The following HDAC9 variants were observed in gnomAD, a reference collection of about 807,000 sequenced individuals.
HDAC9 encodes histone deacetylase 9.
HDAC9 carries 41 observed loss-of-function variants against 139.4 expected under a neutral mutation model. That is an observed-to-expected ratio of 0.29 (90% CI 0.23 to 0.38). HDAC9 has a LOEUF of 0.38. Among genes scored for constraint, HDAC9 ranks in the 10% least tolerant of loss-of-function variants. The probability of loss-of-function intolerance (pLI) is 1.00; values close to 1 mark genes in which losing one functional copy is unlikely to be tolerated. For missense variants in HDAC9, 1,147 were observed against 1,297.0 expected, an observed-to-expected ratio of 0.88 and a Z score of 1.78; for synonymous variants, 517 against 476.2, an observed-to-expected ratio of 1.09 and a Z score of -1.12.
At chr7:18,517,141 G>T (rs964491001) in intron 2 of HDAC9, among the ~76,000 whole-genome samples, 1 of 152,076 alleles carries the variant, frequency 6.6e-6, no homozygotes, top group Non-Finnish European at 1.5e-5. Flanking sequence ...CACATTGACA[G>T]ATTTACTTTC....
At chr7:18,117,619 G>C (rs934628708) in intron 1 of HDAC9, among the ~76,000 whole-genome samples, 8 of 152,176 alleles carry the variant, frequency 5.3e-5, no homozygotes, top group African/African-American at 1.9e-4. Flanking sequence ...GCATTGGGAT[G>C]ATGCACCCAC....
intron 1 of HDAC9, among the ~76,000 whole-genome samples, chr7:18,373,067 A>C (rs886902430): frequency 2.6e-5 from 4 of 152,194 alleles, no homozygotes; most frequent in African/African-American, 7.2e-5. Flanking sequence ...ATAAATTAAT[A>C]TCTCCCCCAT....
chr7:18,416,311 A>G (rs751803463), intron 1 of HDAC9, among the ~76,000 whole-genome samples: 4 of 152,206 alleles, frequency 2.6e-5, no homozygotes, highest in Non-Finnish European at 5.9e-5. Context: ...AAAAACAAAA[A>G]ACAACAACAA....
chr7:18,616,382 C>T (rs535066900), intron 6 of HDAC9, among the ~76,000 whole-genome samples: 3 of 152,146 alleles, frequency 2.0e-5, no homozygotes, highest in South Asian at 2.1e-4. Context: ...AATTTGTTTG[C>T]GATGCCTTTA....
intron 2 of HDAC9, among the ~76,000 whole-genome samples, chr7:18,536,360 T>A (rs1277858076): frequency 6.6e-6 from 1 of 152,164 alleles, no homozygotes; most frequent in East Asian, 1.9e-4. Context: ...AGCTCCCACC[T>A]AAACCACAAA....
intron 22 of HDAC9, among the ~76,000 whole-genome samples, chr7:18,909,605 A>G (rs1802566033): frequency 6.6e-6 from 1 of 152,012 alleles, no homozygotes; most frequent in East Asian, 1.9e-4. Flanking sequence ...ATTGTTCTTC[A>G]TATGGATATT....
At chr7:18,365,650 A>T (rs1585395978) in intron 1 of HDAC9, among the ~76,000 whole-genome samples, 1 of 132,332 alleles carries the variant, frequency 7.6e-6, no homozygotes. Flanking sequence ...TTTTTTTTTT[A>T]ATAAAAAAGC....
chr7:18,694,258 GA>G (rs769866723), intron 12 of HDAC9, among the ~76,000 whole-genome samples: 3 of 152,098 alleles, frequency 2.0e-5, no homozygotes, highest in Non-Finnish European at 4.4e-5. Context: ...TTGTAGATGG[GA>G]AAAAATGGTT....
intron 1 of HDAC9, 85 bp from the exon 2 acceptor site, chr7:18,496,177 G>C (rs781363550): frequency 1.3e-6 from 2 of 1,490,328 alleles, no homozygotes; most frequent in South Asian, 1.2e-5. Flanking sequence ...GCACTGAGCA[G>C]TGATGAATGT....
chr7:18,296,116 C>T (rs1056097546), intron 1 of HDAC9, among the ~76,000 whole-genome samples: 2 of 151,990 alleles, frequency 1.3e-5, no homozygotes, highest in African/African-American at 4.8e-5. Context: ...TAAAAAACAA[C>T]GTGAATAAAT....
chr7:18,407,583 C>G (rs973199824), intron 1 of HDAC9, among the ~76,000 whole-genome samples: 1 of 152,104 alleles, frequency 6.6e-6, no homozygotes, highest in African/African-American at 2.4e-5. Flanking sequence ...TCCCATTGTT[C>G]ACACAGTCTC....
At chr7:18,543,138 G>T (rs1813569732) in intron 2 of HDAC9, 1 of 152,098 alleles carries the variant, frequency 6.6e-6, no homozygotes, top group African/African-American at 2.4e-5. Flanking sequence ...GACAGACCCT[G>T]TGTATTTATC....
At chr7:18,180,724 G>A (rs1789355199) in intron 2 of HDAC9, among the ~76,000 whole-genome samples, 1 of 152,114 alleles carries the variant, frequency 6.6e-6, no homozygotes, top group South Asian at 2.1e-4. Flanking sequence ...TTAGTTTCCT[G>A]TGGCTGCTGT....
In HDAC9 at chr7:18,509,517, C is replaced by T. The variant is rs1162484116; in HGVS notation, c.22+13193C>T. 8.9e-6 allele frequency: 8 copies of T among 898,482 alleles called. No homozygotes were observed. In the East Asian group the frequency reaches 8.3e-4, roughly 93 times the overall value. 55.7% of individuals were successfully genotyped at this position (898,482 alleles called of 1,614,324 possible). On this transcript the variant is annotated intron_variant, in intron 2 of 25. Coordinates refer to ENST00000686413, the MANE Select transcript of HDAC9 (RefSeq NM_178425.4). ...TCAGTATTTATTGAGTCCTTGAAAG[C>T]TGTATTTTTTAAATGAGGCTGCTTG...
intron 6 of HDAC9, among the ~76,000 whole-genome samples, chr7:18,618,500 A>G (rs892383351): frequency 6.6e-5 from 10 of 151,830 alleles, no homozygotes; most frequent in Admixed American, 2.0e-4. Flanking sequence ...TCTGGGAGTA[A>G]TTCCATGCTG....
chr7:18,684,481 C>A (rs978496997), intron 12 of HDAC9, among the ~76,000 whole-genome samples: 1 of 151,666 alleles, frequency 6.6e-6, no homozygotes, highest in Non-Finnish European at 1.5e-5. Context: ...AACAAACAAA[C>A]AAACAAACAA....
intron 6 of HDAC9, among the ~76,000 whole-genome samples, chr7:18,616,837 A>G (rs1409619066): frequency 6.6e-6 from 1 of 152,148 alleles, no homozygotes; most frequent in Non-Finnish European, 1.5e-5. Flanking sequence ...TGGTACCTGA[A>G]TGTATCTGAG....
At chr7:18,391,252 G>C (rs1434391439) in intron 1 of HDAC9, among the ~76,000 whole-genome samples, 1 of 152,082 alleles carries the variant, frequency 6.6e-6, no homozygotes, top group Non-Finnish European at 1.5e-5. Context: ...GGGCATGGTG[G>C]CACGTGCCTG....
intron 2 of HDAC9, among the ~76,000 whole-genome samples, chr7:18,253,220 GC>G (rs1318639146): frequency 6.6e-6 from 1 of 152,176 alleles, no homozygotes; most frequent in Non-Finnish European, 1.5e-5. Flanking sequence ...GCATATGCAT[GC>G]ATGTGTCTTT....
Sources: allele counts gnomAD v4.1 joint callset (sites outside exome capture counted in the v4.1 genomes callset), GRCh38; gene constraint gnomAD v4.1.1; transcripts MANE v1.5; gene names NCBI Gene and HGNC (gene_info 2026-07-23, HGNC 2026-07-21).